RXFP1: variants seen among roughly 807,000 people sequenced by gnomAD.
RXFP1 encodes relaxin family peptide receptor 1.
Under a neutral mutation model 89.8 loss-of-function variants are expected in RXFP1, and 73 were observed. That is an observed-to-expected ratio of 0.81 (90% CI 0.67 to 0.99). RXFP1 has a LOEUF of 0.99. Among genes scored for constraint, RXFP1 ranks in the 50% least tolerant of loss-of-function variants. RXFP1 has a pLI of 0.00. For missense variants in RXFP1, 793 were observed against 895.5 expected (o/e 0.89, Z 1.46); for synonymous variants, 277 against 305.5 (o/e 0.91, Z 0.97).
At chr4:158,528,126 A>T (rs1303186186) in intron 1 of RXFP1, among the ~76,000 whole-genome samples, 2 of 152,146 alleles carry the variant, frequency 1.3e-5, no homozygotes, top group Non-Finnish European at 2.9e-5. Flanking sequence ...AACCAAGGAG[A>T]GAAAGGTTCT....
intron 2 of RXFP1, among the ~76,000 whole-genome samples, chr4:158,589,458 T>G (rs1361119618): frequency 6.6e-6 from 1 of 152,144 alleles, no homozygotes; most frequent in Admixed American, 6.6e-5. Flanking sequence ...CTAAGTCCAA[T>G]TTGTGTTCTG....
chr4:158,550,826 C>G (rs975739515), intron 1 of RXFP1, among the ~76,000 whole-genome samples: 3 of 152,122 alleles, frequency 2.0e-5, no homozygotes, highest in Admixed American at 6.6e-5. Context: ...TCCATGATAT[C>G]CAAGCAATTT....
At chr4:158,593,631 T>C (rs1023623605) in intron 3 of RXFP1, 132 bp downstream of exon 3, 19 of 545,298 alleles carry the variant, frequency 3.5e-5, no homozygotes, top group Non-Finnish European at 5.4e-5. Context: ...AACTTAAAAA[T>C]TCGTAAGAGG....
At chr4:158,571,484 T>C (rs767691606) in intron 1 of RXFP1, among the ~76,000 whole-genome samples, 1 of 152,076 alleles carries the variant, frequency 6.6e-6, no homozygotes, top group Non-Finnish European at 1.5e-5. Context: ...CTGACCAACA[T>C]GGTAAAACCT....
At chr4:158,594,093 T>C (rs1760064839) in intron 3 of RXFP1, among the ~76,000 whole-genome samples, 1 of 152,198 alleles carries the variant, frequency 6.6e-6, no homozygotes, top group Non-Finnish European at 1.5e-5. Flanking sequence ...ATTATGCAAA[T>C]GTAAATCTGT....
intron 1 of RXFP1, among the ~76,000 whole-genome samples, chr4:158,541,011 A>G (rs1425085527): frequency 6.6e-6 from 1 of 151,964 alleles, no homozygotes; most frequent in Non-Finnish European, 1.5e-5. Context: ...TGGCAATCCT[A>G]AAAAAAAGAA....
At chr4:158,599,582 T>G (rs1761291343) in intron 4 of RXFP1, 151 bp downstream of exon 4, 1 of 627,546 alleles carries the variant, frequency 1.6e-6, no homozygotes, top group Non-Finnish European at 2.6e-6. Flanking sequence ...TGATATTTAT[T>G]TTGCATTTAT....
intron 10 of RXFP1, among the ~76,000 whole-genome samples, 165 bp downstream of exon 10, chr4:158,627,056 T>A (rs1766997918): frequency 6.6e-6 from 1 of 152,150 alleles, no homozygotes; most frequent in African/African-American, 2.4e-5. Context: ...AGAATGTTTA[T>A]CCTTTGCAAA....
intron 8 of RXFP1, among the ~76,000 whole-genome samples, chr4:158,615,455 G>C (rs1305465510): frequency 3.9e-5 from 6 of 152,044 alleles, no homozygotes; most frequent in Non-Finnish European, 5.9e-5. Context: ...AGAATCGCTT[G>C]AACCTGGGAG....
chr4:158,564,934 C>G (rs1753241387), intron 1 of RXFP1, among the ~76,000 whole-genome samples: 1 of 152,218 alleles, frequency 6.6e-6, no homozygotes, highest in South Asian at 2.1e-4. Flanking sequence ...CTTTCTACTT[C>G]TGTTCCTAAA....
intron 1 of RXFP1, among the ~76,000 whole-genome samples, chr4:158,566,977 A>G (rs1329402607): frequency 2.0e-5 from 3 of 152,192 alleles, no homozygotes; most frequent in Non-Finnish European, 4.4e-5. Context: ...GGCTGCGTGC[A>G]GCGCTTGCAG....
At chr4:158,646,569 A>T (rs1771587108) in intron 15 of RXFP1, 2 of 1,369,366 alleles carry the variant, frequency 1.5e-6, no homozygotes, top group Non-Finnish European at 1.9e-6. Context: ...TGAAGAAATG[A>T]TTGCATAATT....
chr4:158,576,716 G>A lies in RXFP1; in HGVS notation c.187+3881G>A, dbSNP rs537346907. 2.0e-5 allele frequency among the ~76,000 whole-genome samples: 3 copies of A among 151,904 alleles called. No homozygotes were observed. In the South Asian group the frequency reaches 6.3e-4, roughly 32 times the overall value. On this transcript the variant is annotated intron_variant, in intron 2 of 17. Coordinates refer to ENST00000307765, the MANE Select transcript of RXFP1 (RefSeq NM_021634.4). ...TATCTACAATTTTTAGCTCCTCTAG[G>A]AAAACCGGTATGCTAGTAGTGGCAG... is the stretch of plus-strand genomic sequence containing the variant.
chr4:158,545,517 C>T (rs1301775627), intron 1 of RXFP1, among the ~76,000 whole-genome samples: 1 of 152,126 alleles, frequency 6.6e-6, no homozygotes, highest in Non-Finnish European at 1.5e-5. Flanking sequence ...GACATGAAGT[C>T]CTTGCCCATG....
intron 15 of RXFP1, chr4:158,646,224 T>C (rs1771519663): frequency 2.7e-6 from 1 of 366,104 alleles, no homozygotes; most frequent in East Asian, 8.7e-5. Context: ...TTAGACCAAC[T>C]CTGGTAAGTA....
intron 2 of RXFP1, among the ~76,000 whole-genome samples, chr4:158,576,126 T>C (rs912643649): frequency 6.6e-6 from 1 of 152,236 alleles, no homozygotes; most frequent in Non-Finnish European, 1.5e-5. Flanking sequence ...GACATGTCTA[T>C]GTAAAAAATA....
At chr4:158,584,773 G>A (rs1339969546) in intron 2 of RXFP1, among the ~76,000 whole-genome samples, 5 of 152,164 alleles carry the variant, frequency 3.3e-5, no homozygotes, top group African/African-American at 4.8e-5. Flanking sequence ...AATCTAATAA[G>A]TAGGAGTAAA....
At chr4:158,649,829 T>C (rs1772307157) in intron 17 of RXFP1, among the ~76,000 whole-genome samples, 1 of 152,176 alleles carries the variant, frequency 6.6e-6, no homozygotes, top group Non-Finnish European at 1.5e-5. Flanking sequence ...AATGGTTTAG[T>C]TACCATCCAA....
chr4:158,524,233 G>A (rs915103661), intron 1 of RXFP1, among the ~76,000 whole-genome samples: 2 of 152,172 alleles, frequency 1.3e-5, no homozygotes, highest in African/African-American at 4.8e-5. Flanking sequence ...AGATTGGAAT[G>A]CTTTCAGAGC....
Sources: gnomAD v4.1 joint callset for allele counts (sites outside exome capture counted in the v4.1 genomes callset) on GRCh38, gnomAD v4.1.1 for gene constraint, MANE v1.5 for transcripts, NCBI Gene and HGNC (gene_info 2026-07-23, HGNC 2026-07-21) for gene names.